ARHGEF37: variants seen among roughly 807,000 people sequenced by gnomAD.
The protein encoded by ARHGEF37 is Rho guanine nucleotide exchange factor (GEF) 37.
A neutral mutation model predicts 71.1 loss-of-function variants in ARHGEF37; 55 were observed. The ratio of observed to expected loss-of-function variants is 0.77; its 90% CI spans 0.62 to 0.97. The LOEUF is 0.97. Ranked by LOEUF, ARHGEF37 falls within the 50% of genes least tolerant of loss-of-function variation. The pLI, the probability that ARHGEF37 is intolerant of heterozygous loss-of-function variation, is 0.00. For missense variants in ARHGEF37, 765 were observed against 836.8 expected, an observed-to-expected ratio of 0.91 and a Z score of 1.06; for synonymous variants, 327 against 350.6, an observed-to-expected ratio of 0.93 and a Z score of 0.75.
chr5:149,627,259 G>A lies in ARHGEF37; in HGVS notation c.1648G>A (p.Val550Met). 2 of 1,613,664 alleles carry A rather than the reference G, an allele frequency of 1.2e-6. No homozygotes were observed. The highest frequency in any genetic ancestry group is 1.7e-6 in the Non-Finnish European group (2 of 1,179,956). Residue 550 changes from valine to methionine, a missense_variant, in exon 11 of 13, where the codon GTG becomes ATG. By Grantham distance (21) the Val-to-Met change is conservative. Coordinates refer to ENST00000333677, the MANE Select transcript of ARHGEF37 (RefSeq NM_001001669.3). ...CAAAGGCAACAGCGGCCGCTGGCTG[G>A]TGGACACCGGGGGTACGTGAGCCTT... ...DTKGNSGRWL[V>M]DTGGHRGYVP...
At chr5:149,562,778 C>T (rs1762850111) in intron 1 of ARHGEF37, among the ~76,000 whole-genome samples, 1 of 152,176 alleles carries the variant, frequency 6.6e-6, no homozygotes, top group Non-Finnish European at 1.5e-5. Flanking sequence ...GGATTCCTTA[C>T]ATTCCACACC....
chr5:149,601,333 G>A, intron 3 of ARHGEF37, 102 bp downstream of exon 3: 6 of 1,388,632 alleles, frequency 4.3e-6, no homozygotes, highest in Non-Finnish European at 5.8e-6. Context: ...GAGAAATGCA[G>A]CTCAACGGCA....
rs186472631 is a variant in ARHGEF37, at chr5:149,631,320, G to A, written c.1819-662G>A. On this transcript the variant is annotated intron_variant, in intron 12 of 12. Coordinates refer to ENST00000333677, the MANE Select transcript of ARHGEF37 (RefSeq NM_001001669.3). ...TGAGTAGCTGGGATTACAGGTGTGC[G>A]CCACCATGCCCGGCTAATTTTTGTA... Among the ~76,000 whole-genome samples, 463 of 151,654 alleles carry A rather than the reference G, an allele frequency of 3.1e-3. 3 individuals are homozygous for A. Among genetic ancestry groups the A allele is most frequent in the African/African-American group, 0.011 (449 of 41,316 alleles).
At chr5:149,593,377 T>C (rs747683479) in intron 1 of ARHGEF37, among the ~76,000 whole-genome samples, 2 of 152,258 alleles carry the variant, frequency 1.3e-5, no homozygotes, top group African/African-American at 2.4e-5. Context: ...TCTGTTTCTA[T>C]AGATTAGCTT....
At chr5:149,592,158 G>A (rs776376015) in intron 1 of ARHGEF37, among the ~76,000 whole-genome samples, 4 of 152,140 alleles carry the variant, frequency 2.6e-5, no homozygotes, top group Non-Finnish European at 4.4e-5. Flanking sequence ...TATAATATAC[G>A]TGTTTGTGTT....
rs1020056557 is a variant in ARHGEF37, at chr5:149,581,529, G to C, written c.-107G>C. On this transcript the variant is annotated 5_prime_UTR_variant, in exon 1 of 13. Transcript: ENST00000333677. ...AGCCACCCGGAGCGGCGCGGGTGCC[G>C]GGAGCTGGGCGACGCGCCCCTCCTG... The C allele has an allele frequency of 6.6e-6, 1 of 152,016 alleles. No homozygotes were observed. Among genetic ancestry groups the C allele is most frequent in the East Asian group, 1.9e-4 (1 of 5,186 alleles). The allele number at this position is 152,016 out of a possible 1,614,324, so 9.4% of individuals were successfully genotyped here.
At chr5:149,579,582 A>C (rs1763066839), upstream of ARHGEF37, among the ~76,000 whole-genome samples, 1 of 151,530 alleles carries the variant, frequency 6.6e-6, no homozygotes, top group Non-Finnish European at 1.5e-5. Context: ...TGTTATTATT[A>C]TTATTATTAT....
At chr5:149,587,913 TGG>T (rs1763286075) in intron 1 of ARHGEF37, among the ~76,000 whole-genome samples, 1 of 113,744 alleles carries the variant, frequency 8.8e-6, no homozygotes, top group African/African-American at 3.6e-5. Context: ...TTTTTTTTTT[TGG>T]AGACAAAGTC....
chr5:149,627,577 C>T (rs1252886801), intron 11 of ARHGEF37, among the ~76,000 whole-genome samples: 1 of 152,228 alleles, frequency 6.6e-6, no homozygotes, highest in African/African-American at 2.4e-5. Flanking sequence ...CCACTGAGGT[C>T]AACAGGGCTA....
upstream of ARHGEF37, among the ~76,000 whole-genome samples, chr5:149,580,304 C>A (rs955870329): frequency 4.1e-5 from 6 of 147,670 alleles, no homozygotes; most frequent in Admixed American, 2.0e-4. Context: ...CGTGATCTGC[C>A]CCCCCCTCAG....
chr5:149,621,695 C>T, intron 8 of ARHGEF37, 38 bp from the exon 9 acceptor site: 2 of 1,573,098 alleles, frequency 1.3e-6, no homozygotes, highest in Admixed American at 1.8e-5. Flanking sequence ...CCCTTTGCCA[C>T]CTCCTTTCCC....
chr5:149,599,302 G>C (rs1310963690), intron 2 of ARHGEF37, among the ~76,000 whole-genome samples: 1 of 152,156 alleles, frequency 6.6e-6, no homozygotes, highest in Non-Finnish European at 1.5e-5. Context: ...ACAGAGGCCT[G>C]CTCAGCCACA....
At chr5:149,589,918 T>A (rs1467299781) in intron 1 of ARHGEF37, among the ~76,000 whole-genome samples, 1 of 152,074 alleles carries the variant, frequency 6.6e-6, no homozygotes, top group Non-Finnish European at 1.5e-5. Context: ...CCTCCCACCT[T>A]AGCATCACAA....
chr5:149,580,058 T>A (rs1183877448), upstream of ARHGEF37, among the ~76,000 whole-genome samples: 1 of 152,088 alleles, frequency 6.6e-6, no homozygotes, highest in East Asian at 1.9e-4. Flanking sequence ...CTTGCTTTTC[T>A]TTTTTCTTTC....
intron 7 of ARHGEF37, among the ~76,000 whole-genome samples, chr5:149,619,783 C>T (rs530191682): frequency 1.3e-5 from 2 of 152,204 alleles, no homozygotes; most frequent in East Asian, 1.9e-4. Context: ...AAAAAACAAA[C>T]GCACTGCTGG....
chr5:149,588,434 T>C (rs1003263287), intron 1 of ARHGEF37, among the ~76,000 whole-genome samples: 3 of 152,124 alleles, frequency 2.0e-5, no homozygotes, highest in Admixed American at 2.0e-4. Context: ...GTAGCTGAGA[T>C]TACAGGCGTG....
At chr5:149,604,710 TCTC>T (rs202124712) in intron 3 of ARHGEF37, among the ~76,000 whole-genome samples, 38,548 of 92,490 alleles carry the variant, frequency 0.42, 6,202 homozygotes, top group South Asian at 0.57. Flanking sequence ...TGAGACAGAA[TCTC>T]TCTCTGTCGC....
intron 8 of ARHGEF37, 90 bp downstream of exon 8, chr5:149,620,554 G>A (rs1580930867): frequency 9.6e-7 from 1 of 1,042,580 alleles, no homozygotes; most frequent in Non-Finnish European, 1.4e-6. Flanking sequence ...CTTTGGCCAG[G>A]CGTGGTGGCT....
rs1333880624 is a variant in ARHGEF37 at position 149,587,923 on chromosome 5, G to C, written c.-12+6299G>C. 3.1e-5 allele frequency among the ~76,000 whole-genome samples: 4 copies of C among 130,056 alleles called. No individual in the cohort carries two copies. The South Asian group carries it at 7.4e-4, about 24-fold the overall frequency. The allele number at this position is 130,056 out of a possible 152,430, so 85.3% of individuals were successfully genotyped here. A position where few individuals can be genotyped will look rare whatever the true frequency, so the allele number is the denominator to read the frequency against. On this transcript the variant is annotated intron_variant, in intron 1 of 12. Coordinates refer to ENST00000333677, the MANE Select transcript of ARHGEF37 (RefSeq NM_001001669.3). ...TTTTTTTTTTTTTTTTGGAGACAAA[G>C]TCTCACTCTGTCGCCCAGGCTGGAG...
Sources: gnomAD v4.1 joint callset for allele counts (sites outside exome capture counted in the v4.1 genomes callset) on GRCh38, gnomAD v4.1.1 for gene constraint, MANE v1.5 for transcripts, NCBI Gene and HGNC (gene_info 2026-07-23, HGNC 2026-07-21) for gene names.